IMMP2L: variants seen among roughly 807,000 people sequenced by gnomAD.
IMMP2L encodes the protein mitochondrial inner membrane protease subunit 2.
Under a neutral mutation model 19.3 loss-of-function variants are expected in IMMP2L, and 18 were observed. That is an observed-to-expected ratio of 0.93 (90% CI 0.64 to 1.38). IMMP2L has a LOEUF of 1.38. Ranked by LOEUF, IMMP2L falls within the 40% of genes most tolerant of loss-of-function variation. The pLI, the probability that IMMP2L is intolerant of heterozygous loss-of-function variation, is 0.00. For synonymous variants in IMMP2L, 76 were observed against 73.0 expected, an observed-to-expected ratio of 1.04 and a Z score of -0.21; for missense variants, 233 against 218.2, an observed-to-expected ratio of 1.07 and a Z score of -0.43.
At chr7:110,848,952 T>C (rs1456867351) in intron 5 of IMMP2L, among the ~76,000 whole-genome samples, 3 of 152,084 alleles carry the variant, frequency 2.0e-5, no homozygotes, top group Non-Finnish European at 4.4e-5. Context: ...CACAGGGATT[T>C]TTAGGGCAGT....
intron 3 of IMMP2L, among the ~76,000 whole-genome samples, chr7:111,223,851 G>A (rs535943789): frequency 1.3e-5 from 2 of 152,120 alleles, no homozygotes; most frequent in Non-Finnish European, 2.9e-5. Flanking sequence ...TAGCTCCTAT[G>A]TGTAGCTTCC....
intron 3 of IMMP2L, among the ~76,000 whole-genome samples, chr7:111,372,188 T>G (rs1830314622): frequency 6.6e-6 from 1 of 152,046 alleles, no homozygotes; most frequent in Non-Finnish European, 1.5e-5. Context: ...TACCCCATTT[T>G]ATATGATGTG....
At chr7:110,855,571 A>G (rs1253898296) in intron 5 of IMMP2L, among the ~76,000 whole-genome samples, 1 of 152,056 alleles carries the variant, frequency 6.6e-6, no homozygotes, top group Non-Finnish European at 1.5e-5. Flanking sequence ...AGAAGCAGAC[A>G]CAACAAAGAA....
rs150997425 is a variant in IMMP2L at position 111,095,905 on chromosome 7, C to T, written c.240-132340G>A. Among the ~76,000 whole-genome samples the T allele has an allele frequency of 4.4e-4, 67 of 152,016 alleles. 1 individual carries two copies. The Middle Eastern group carries it at 0.01, about 23-fold the overall frequency. ...TCCCTCTCCCTCTCTCCCTCCCCTA[C>T]CCCATCCCAACTTACTTTTTGATTT... On this transcript the variant is annotated intron_variant, in intron 3 of 5. Coordinates refer to ENST00000405709, the MANE Select transcript of IMMP2L (RefSeq NM_032549.4).
chr7:111,007,046 T>C (rs933630713), intron 3 of IMMP2L, among the ~76,000 whole-genome samples: 2 of 152,090 alleles, frequency 1.3e-5, no homozygotes, highest in African/African-American at 4.8e-5. Context: ...TCCCTGAGAC[T>C]GAGTAATTTA....
chr7:111,158,702 G>T (rs571432151), intron 3 of IMMP2L, among the ~76,000 whole-genome samples: 1 of 152,024 alleles, frequency 6.6e-6, no homozygotes, highest in Admixed American at 6.6e-5. Context: ...AATACATATT[G>T]TGTTGAATAA....
chr7:111,185,523 T>C (rs955839683), intron 3 of IMMP2L, among the ~76,000 whole-genome samples: 3 of 152,112 alleles, frequency 2.0e-5, no homozygotes, highest in African/African-American at 7.2e-5. Flanking sequence ...TGTGAGCATA[T>C]TACCTCAAAG....
At chr7:110,962,935 A>G in intron 4 of IMMP2L, 1 of 1,412,628 alleles carries the variant, frequency 7.1e-7, no homozygotes, top group Non-Finnish European at 9.2e-7. Flanking sequence ...GCTGAATGTC[A>G]ACAATTGTTC....
At chr7:110,917,696 C>T (rs565246518) in intron 4 of IMMP2L, among the ~76,000 whole-genome samples, 5 of 152,270 alleles carry the variant, frequency 3.3e-5, no homozygotes, top group Admixed American at 2.0e-4. Context: ...AGACGGGAAA[C>T]AAGGTGGACG....
chr7:111,112,508 A>T (rs1172259280), intron 3 of IMMP2L, among the ~76,000 whole-genome samples: 8 of 152,176 alleles, frequency 5.3e-5, no homozygotes, highest in Non-Finnish European at 1.0e-4. Flanking sequence ...CACAGCCATA[A>T]ATATGGCCTC....
At chr7:110,893,218 G>A (rs1212637759) in intron 4 of IMMP2L, among the ~76,000 whole-genome samples, 1 of 152,078 alleles carries the variant, frequency 6.6e-6, no homozygotes, top group African/African-American at 2.4e-5. Context: ...GCTAAAAAAT[G>A]CTGACAGACA....
chr7:111,212,874 T>TG (rs1317028449), intron 3 of IMMP2L, among the ~76,000 whole-genome samples: 2 of 152,192 alleles, frequency 1.3e-5, no homozygotes, highest in Non-Finnish European at 2.9e-5. Context: ...GCTCTGTCCT[T>TG]GTGTGGACTA....
chr7:111,314,888 A>C (rs2130361601), intron 3 of IMMP2L, among the ~76,000 whole-genome samples: 1 of 152,276 alleles, frequency 6.6e-6, no homozygotes, highest in East Asian at 1.9e-4. Context: ...GCTGTGAAAT[A>C]TATTCTATTT....
At chr7:110,917,492 T>C (rs913490931) in intron 4 of IMMP2L, among the ~76,000 whole-genome samples, 1 of 152,214 alleles carries the variant, frequency 6.6e-6, no homozygotes, top group African/African-American at 2.4e-5. Flanking sequence ...TTAAGGACTC[T>C]GTGAAGATGA....
At chr7:110,780,588 C>T (rs117819465) in intron 5 of IMMP2L, among the ~76,000 whole-genome samples, 4 of 151,794 alleles carry the variant, frequency 2.6e-5, no homozygotes, top group South Asian at 2.1e-4. Context: ...CTCTCTGCCT[C>T]GCTATTACCC....
chr7:111,462,513 A>T lies in IMMP2L; in HGVS notation c.239+24725T>A, dbSNP rs558510015. ...AAATAATGGTTTTCCTTTATTAAAA[A>T]TTTTTTTTGAATTATTGTGAATACA... On this transcript the variant is annotated intron_variant, in intron 3 of 5. Transcript: ENST00000405709. Among the ~76,000 whole-genome samples the T allele has an allele frequency of 3.7e-4, 56 of 152,120 alleles. 1 individual carries two copies. Among genetic ancestry groups the T allele is most frequent in the Non-Finnish European group, 6.5e-4 (44 of 67,958 alleles).
chr7:111,016,890 TA>T (rs1825737977), intron 3 of IMMP2L, among the ~76,000 whole-genome samples: 1 of 89,898 alleles, frequency 1.1e-5, no homozygotes, highest in Non-Finnish European at 2.0e-5. Context: ...ATATTATATA[TA>T]ATATATATTA....
At chr7:110,931,650 C>G (rs909113729) in intron 4 of IMMP2L, among the ~76,000 whole-genome samples, 2 of 152,162 alleles carry the variant, frequency 1.3e-5, no homozygotes, top group Non-Finnish European at 1.5e-5. Context: ...TGGGTTACTA[C>G]AGAACCCCCA....
chr7:110,699,002 G>C (rs1019576489), intron 5 of IMMP2L, among the ~76,000 whole-genome samples: 1 of 152,148 alleles, frequency 6.6e-6, no homozygotes, highest in Non-Finnish European at 1.5e-5. Context: ...GCTGTCAGCG[G>C]AGTGTCAAAC....
Sources: allele counts gnomAD v4.1 joint callset (sites outside exome capture counted in the v4.1 genomes callset), GRCh38; gene constraint gnomAD v4.1.1; transcripts MANE v1.5; gene names NCBI Gene and HGNC (gene_info 2026-07-23, HGNC 2026-07-21).